Variants in ITSN1 observed in about 807,000 individuals in gnomAD.
ITSN1 encodes the protein intersectin 1, also known as intersectin-1.
In ITSN1, 58 loss-of-function variants were observed where a neutral mutation model predicts 239.8. The ratio of observed to expected loss-of-function variants is 0.24; its 90% CI spans 0.20 to 0.30. The LOEUF (loss-of-function observed/expected upper bound fraction) is 0.30, where lower values mean the gene tolerates loss of function less well. Ranked by LOEUF, ITSN1 falls within the 10% of genes least tolerant of loss-of-function variation. The pLI is 1.00. For missense variants in ITSN1, 1,558 were observed against 2,103.3 expected, an observed-to-expected ratio of 0.74 and a Z score of 5.07; for synonymous variants, 780 against 770.8, an observed-to-expected ratio of 1.01 and a Z score of -0.20.
At chr21:33,707,971 A>G (rs563718157) in intron 1 of ITSN1, among the ~76,000 whole-genome samples, 135 of 152,324 alleles carry the variant, frequency 8.9e-4, no homozygotes, top group African/African-American at 3.2e-3. Flanking sequence ...CTATATTTTT[A>G]AAAGTTTGTA....
chr21:33,712,234 G>A (rs2092437937), intron 1 of ITSN1, among the ~76,000 whole-genome samples: 1 of 151,602 alleles, frequency 6.6e-6, no homozygotes, highest in Non-Finnish European at 1.5e-5. Context: ...TTCTTTGTAT[G>A]TCCAGTAGTT....
intron 1 of ITSN1, among the ~76,000 whole-genome samples, chr21:33,655,663 C>G (rs1260071118): frequency 6.7e-6 from 1 of 149,380 alleles, no homozygotes; most frequent in Admixed American, 6.7e-5. Context: ...GAACGCCTGA[C>G]CCAAAGTGAT....
At chr21:33,843,777 C>T (rs1190783891) in intron 29 of ITSN1, among the ~76,000 whole-genome samples, 2 of 152,206 alleles carry the variant, frequency 1.3e-5, no homozygotes, top group African/African-American at 2.4e-5. Flanking sequence ...AGCTCTGCTA[C>T]TTACTAGTGG....
chr21:33,741,894 CAAA>C (rs57036929), intron 5 of ITSN1, among the ~76,000 whole-genome samples: 1,663 of 74,108 alleles, frequency 0.022, 21 homozygotes, highest in African/African-American at 0.076. Context: ...GATTCCGTCT[CAAA>C]AAAAAAAAAA....
intron 29 of ITSN1, among the ~76,000 whole-genome samples, chr21:33,850,353 A>G (rs1232802433): frequency 1.3e-5 from 2 of 152,168 alleles, no homozygotes; most frequent in Non-Finnish European, 1.5e-5. Flanking sequence ...GCTCTGCTGG[A>G]CCCACGAGGG....
At chr21:33,680,528 G>A (rs1484424681) in intron 1 of ITSN1, among the ~76,000 whole-genome samples, 1 of 151,822 alleles carries the variant, frequency 6.6e-6, no homozygotes, top group East Asian at 1.9e-4. Flanking sequence ...AAAGGGTTTC[G>A]CCATGTTGGC....
intron 27 of ITSN1, among the ~76,000 whole-genome samples, chr21:33,830,522 G>A (rs1407975698): frequency 2.0e-5 from 3 of 152,124 alleles, no homozygotes; most frequent in South Asian, 4.1e-4. Flanking sequence ...CAGCTGTGCC[G>A]GGAGGGAGGA....
At chr21:33,733,550 A>G (rs1309640841) in intron 4 of ITSN1, among the ~76,000 whole-genome samples, 1 of 152,222 alleles carries the variant, frequency 6.6e-6, no homozygotes, top group African/African-American at 2.4e-5. Context: ...TGAATTTTTA[A>G]AAGTCTTTCA....
In ITSN1 at chr21:33,833,663, C is replaced by T. The variant is rs959727622; in HGVS notation, c.3352-644C>T. Among the ~76,000 whole-genome samples, 38 of 152,110 alleles carry T rather than the reference C, an allele frequency of 2.5e-4. 1 individual carries two copies. Among genetic ancestry groups the T allele is most frequent in the Admixed American group, 2.4e-3 (37 of 15,266 alleles). On this transcript the variant is annotated intron_variant, in intron 27 of 39. Coordinates refer to ENST00000381318, the MANE Select transcript of ITSN1 (RefSeq NM_003024.3). ...GGTGCAGATTACGAGGTCAAGAGAT[C>T]GAGACCATCCTGGCTAACACGGTGA...
intron 4 of ITSN1, among the ~76,000 whole-genome samples, chr21:33,723,083 A>G (rs1208023780): frequency 1.3e-5 from 2 of 152,362 alleles, no homozygotes; most frequent in South Asian, 2.1e-4. Flanking sequence ...CATAACATTA[A>G]TAGATAATAG....
rs371785720 is a variant in ITSN1, at chr21:33,677,092, A to G, written c.-33+34379A>G. On this transcript the variant is annotated intron_variant, in intron 1 of 39. Transcript: ENST00000381318. ...AATGGGTGCAGCACACCAACATGGCACATGTATACATATGTAACAAAACCT... is the reference window on the plus strand; with the variant it reads ...AATGGGTGCAGCACACCAACATGGCGCATGTATACATATGTAACAAAACCT... 3.5e-4 allele frequency among the ~76,000 whole-genome samples: 54 copies of G among 152,156 alleles called. 1 individual carries two copies. The East Asian group carries it at 8.0e-3, about 22-fold the overall frequency.
At chr21:33,874,624 T>A (rs555977497) in intron 33 of ITSN1, among the ~76,000 whole-genome samples, 118 of 150,684 alleles carry the variant, frequency 7.8e-4, no homozygotes, top group African/African-American at 2.8e-3. Context: ...TATTCCTCTG[T>A]GAAACAGGGT....
rs2087492290 is a variant in ITSN1, at chr21:33,642,654, GGC to G, written c.-88_-87del. The G allele has an allele frequency of 6.5e-6, 1 of 152,884 alleles. No individual in the cohort carries two copies. Among genetic ancestry groups the G allele is most frequent in the African/African-American group, 2.4e-5 (1 of 41,428 alleles). The allele number at this position is 152,884 out of a possible 1,614,324, so 9.5% of individuals were successfully genotyped here. On this transcript the variant is annotated 5_prime_UTR_variant, in exon 1 of 40. The change creates a premature stop within an existing upstream ORF in the 5' untranslated region. Coordinates refer to ENST00000381318, the MANE Select transcript of ITSN1 (RefSeq NM_003024.3). ...CTGCGGCTCCTGCGTCCCTCCCAGCGGCGCGTGAGCGGCACTGATTTGTCCCT... is the reference window on the plus strand; with the variant it reads ...CTGCGGCTCCTGCGTCCCTCCCAGCGGCGTGAGCGGCACTGATTTGTCCCT...
intron 31 of ITSN1, among the ~76,000 whole-genome samples, chr21:33,860,034 C>CATAGACGAT (rs1333941525): frequency 6.6e-6 from 1 of 152,144 alleles, no homozygotes; most frequent in African/African-American, 2.4e-5. Flanking sequence ...TAGCTGGGCA[C>CATAGACGAT]AGTGGCTCAT....
intron 9 of ITSN1, among the ~76,000 whole-genome samples, chr21:33,764,682 T>G (rs1209241872): frequency 1.3e-5 from 2 of 152,244 alleles, no homozygotes; most frequent in Non-Finnish European, 2.9e-5. Context: ...TTATAGCACC[T>G]AAGGAAATTT....
At position 33,774,836 on chromosome 21, in the gene ITSN1, G is replaced by A. The variant is rs1300841170; in HGVS notation, c.1413G>A (p.Leu471=). Residue 471 remains leucine, a synonymous_variant, in exon 13 of 40, where the codon CTG becomes CTA. Transcript: ENST00000381318. ...AAGAACAAGAGGACATAGTTGTACT[G>A]AAAGCAAAGAAAAAGACTTTGGAAT... The part of the protein sequence containing the change: ...RNKEQEDIVV[L]KAKKKTLEFE... The A allele has an allele frequency of 6.2e-7, 1 of 1,613,222 alleles. No individual in the cohort carries two copies. Among genetic ancestry groups the A allele is most frequent in the Non-Finnish European group, 8.5e-7 (1 of 1,179,752 alleles).
intron 9 of ITSN1, among the ~76,000 whole-genome samples, chr21:33,765,279 C>T (rs994437091): frequency 2.0e-5 from 3 of 152,170 alleles, no homozygotes; most frequent in South Asian, 2.1e-4. Flanking sequence ...TTGATAGGCT[C>T]ACTTGAGGCC....
chr21:33,677,739 A>G (rs1314497390), intron 1 of ITSN1, among the ~76,000 whole-genome samples: 1 of 152,152 alleles, frequency 6.6e-6, no homozygotes, highest in Non-Finnish European at 1.5e-5. Flanking sequence ...TAGGCAGGCC[A>G]GAAACTTCAA....
chr21:33,676,819 G>C (rs1472507613), intron 1 of ITSN1, among the ~76,000 whole-genome samples: 1 of 152,100 alleles, frequency 6.6e-6, no homozygotes, highest in African/African-American at 2.4e-5. Flanking sequence ...ATGGTTTCCA[G>C]CTTCATCCAT....
Sources: gnomAD v4.1 joint callset for allele counts (sites outside exome capture counted in the v4.1 genomes callset) on GRCh38, gnomAD v4.1.1 for gene constraint, MANE v1.5 for transcripts, NCBI Gene and HGNC (gene_info 2026-07-23, HGNC 2026-07-21) for gene names.